Variants in SDK1 observed in about 807,000 individuals in gnomAD.
The protein encoded by SDK1 is sidekick cell adhesion molecule 1, also known as protein sidekick-1.
SDK1 carries 157 observed loss-of-function variants against 245.5 expected under a neutral mutation model. That is an observed-to-expected ratio of 0.64 (90% CI 0.56 to 0.73). The LOEUF is 0.73. SDK1 is among the 30% of genes least tolerant of loss of function. The pLI is 0.00. For missense variants in SDK1, 3,583 were observed against 3,002.3 expected, an observed-to-expected ratio of 1.19 and a Z score of -4.52; for synonymous variants, 1,647 against 1,278.5, an observed-to-expected ratio of 1.29 and a Z score of -6.15.
rs934822848 is a variant in SDK1, at chr7:3,648,358, T to G, written c.713+6253T>G. 2.6e-5 allele frequency among the ~76,000 whole-genome samples: 4 copies of G among 152,340 alleles called. No homozygotes were observed. In the East Asian group the frequency reaches 7.7e-4, roughly 29 times the overall value. On this transcript the variant is annotated intron_variant, in intron 4 of 44. Coordinates refer to ENST00000404826, the MANE Select transcript of SDK1 (RefSeq NM_152744.4). ...CTCAAATTGCATCCTGTAGCCTACCTGACAGGAATGTGCAAGCACAAGTAT... is the reference window on the plus strand; with the variant it reads ...CTCAAATTGCATCCTGTAGCCTACCGGACAGGAATGTGCAAGCACAAGTAT...
chr7:3,956,754 C>G (rs1381362649), intron 7 of SDK1, among the ~76,000 whole-genome samples: 1 of 152,188 alleles, frequency 6.6e-6, no homozygotes, highest in African/African-American at 2.4e-5. Context: ...CAGATGGTCC[C>G]TGGCTAGGGT....
chr7:3,318,568 C>G (rs906628561), intron 1 of SDK1, among the ~76,000 whole-genome samples: 4 of 152,208 alleles, frequency 2.6e-5, no homozygotes, highest in African/African-American at 9.6e-5. Flanking sequence ...GAAGGCATTA[C>G]TTATTACTTG....
chr7:3,477,641 A>G (rs761588213), intron 1 of SDK1, among the ~76,000 whole-genome samples: 6 of 150,438 alleles, frequency 4.0e-5, no homozygotes, highest in Non-Finnish European at 7.4e-5. Flanking sequence ...CAGCCTCCTT[A>G]GTAGCTGGGA....
At position 4,266,421 on chromosome 7, in the gene SDK1, C is replaced by T. The variant is rs540437158; in HGVS notation, c.*1037C>T. ...GCTCTGAGAACACACGCTCCCGACT[C>T]GCCTCGTGCACACCAGGCCGTCCCC... On this transcript the variant is annotated 3_prime_UTR_variant, in exon 45 of 45. Coordinates refer to ENST00000404826, the MANE Select transcript of SDK1 (RefSeq NM_152744.4). The T allele has an allele frequency of 3.3e-5, 33 of 985,346 alleles. No individual in the cohort carries two copies. The South Asian group carries it at 1.4e-3, about 42-fold the overall frequency. The allele number at this position is 985,346 out of a possible 1,614,324, so 61.0% of individuals were successfully genotyped here.
intron 1 of SDK1, among the ~76,000 whole-genome samples, chr7:3,476,379 C>T (rs1044644772): frequency 3.3e-5 from 5 of 152,168 alleles, no homozygotes; most frequent in Non-Finnish European, 7.4e-5. Context: ...ATGTCTTCAG[C>T]AAAAGGTGAG....
At chr7:3,631,180 C>G (rs1782277440) in intron 2 of SDK1, among the ~76,000 whole-genome samples, 1 of 152,180 alleles carries the variant, frequency 6.6e-6, no homozygotes, top group Non-Finnish European at 1.5e-5. Flanking sequence ...GCGATCCACC[C>G]ACCTTGGCCT....
intron 22 of SDK1, among the ~76,000 whole-genome samples, chr7:4,087,932 A>G (rs1781531361): frequency 6.6e-6 from 1 of 152,240 alleles, no homozygotes; most frequent in African/African-American, 2.4e-5. Context: ...TTGTTTGCAT[A>G]GGGGAACACA....
intron 1 of SDK1, among the ~76,000 whole-genome samples, chr7:3,504,791 AAC>A (rs1554281197): frequency 6.6e-6 from 1 of 151,996 alleles, no homozygotes; most frequent in African/African-American, 2.4e-5. Context: ...AAAAAAAAAA[AAC>A]CATACTTGGC....
At chr7:3,613,843 G>T (rs942375122) in intron 1 of SDK1, among the ~76,000 whole-genome samples, 3 of 152,168 alleles carry the variant, frequency 2.0e-5, no homozygotes, top group Admixed American at 6.5e-5. Flanking sequence ...GATGGAGCTG[G>T]AGGCCATCAT....
chr7:4,136,750 C>T (rs1374793782), intron 28 of SDK1, among the ~76,000 whole-genome samples: 1 of 152,224 alleles, frequency 6.6e-6, no homozygotes, highest in African/African-American at 2.4e-5. Flanking sequence ...CGCGGGATCC[C>T]GCCCTGCCAG....
At chr7:4,112,180 GT>G (rs1355646779) in intron 23 of SDK1, among the ~76,000 whole-genome samples, 1 of 152,144 alleles carries the variant, frequency 6.6e-6, no homozygotes, top group Non-Finnish European at 1.5e-5. Context: ...GTGAACATTG[GT>G]TCAGTCTGGA....
At chr7:3,716,736 G>A (rs1785211951) in intron 4 of SDK1, among the ~76,000 whole-genome samples, 2 of 150,230 alleles carry the variant, frequency 1.3e-5, no homozygotes. Context: ...TTCAGCCTGG[G>A]TGACAAAGTG....
intron 4 of SDK1, among the ~76,000 whole-genome samples, chr7:3,757,809 G>T (rs936073700): frequency 2.6e-5 from 4 of 152,090 alleles, no homozygotes; most frequent in African/African-American, 9.7e-5. Flanking sequence ...TCAACCTTCA[G>T]GCCCCCTCCC....
chr7:3,958,032 T>G, intron 7 of SDK1: 1 of 470,778 alleles, frequency 2.1e-6, no homozygotes, highest in South Asian at 1.6e-5. Context: ...CTCTTTTTCA[T>G]CTTTTAGGTC....
chr7:3,892,824 G>A (rs150086242), intron 5 of SDK1, among the ~76,000 whole-genome samples: 2 of 152,190 alleles, frequency 1.3e-5, no homozygotes, highest in African/African-American at 4.8e-5. Flanking sequence ...CCTCTTACCC[G>A]TATCCCTGCA....
At chr7:3,887,309 A>T (rs7806027) in intron 5 of SDK1, among the ~76,000 whole-genome samples, 2 of 152,202 alleles carry the variant, frequency 1.3e-5, no homozygotes, top group East Asian at 3.8e-4. Flanking sequence ...TTCTATTTCC[A>T]TGTCATTAGC....
chr7:4,204,139 A>G (rs986416381), intron 35 of SDK1, among the ~76,000 whole-genome samples: 2 of 152,256 alleles, frequency 1.3e-5, no homozygotes, highest in African/African-American at 4.8e-5. Flanking sequence ...CTACCAGGGT[A>G]ATGGCCGCGC....
chr7:3,790,667 A>G (rs181829823), intron 4 of SDK1, among the ~76,000 whole-genome samples: 4 of 152,280 alleles, frequency 2.6e-5, no homozygotes, highest in Non-Finnish European at 5.9e-5. Flanking sequence ...TTATCTGGGC[A>G]TGGTGACGCA....
rs528046864 is a variant in SDK1 at position 3,904,684 on chromosome 7, A to C, written c.848-46239A>C. ...ACTCCAGCCTGAGAGACAGAGTGAA[A>C]CCATGTATCTAAAAAAAATTAATAA... On this transcript the variant is annotated intron_variant, in intron 5 of 44. Coordinates refer to ENST00000404826, the MANE Select transcript of SDK1 (RefSeq NM_152744.4). Among the ~76,000 whole-genome samples the C allele has an allele frequency of 6.1e-4, 92 of 152,062 alleles. 1 individual carries two copies. The highest frequency in any genetic ancestry group is 1.1e-3 in the Non-Finnish European group (77 of 67,970).
Sources: gnomAD v4.1 joint callset for allele counts (sites outside exome capture counted in the v4.1 genomes callset) on GRCh38, gnomAD v4.1.1 for gene constraint, MANE v1.5 for transcripts, NCBI Gene and HGNC (gene_info 2026-07-23, HGNC 2026-07-21) for gene names.